PSMD1: variants seen among roughly 807,000 people sequenced by gnomAD.
PSMD1 encodes the protein proteasome 26S subunit, non-ATPase 1, also known as 26S proteasome non-ATPase regulatory subunit 1.
A neutral mutation model predicts 119.0 loss-of-function variants in PSMD1; 18 were observed. The ratio of observed to expected loss-of-function variants is 0.15; its 90% CI spans 0.10 to 0.22. The LOEUF is 0.22. Among genes scored for constraint, PSMD1 ranks in the 10% least tolerant of loss-of-function variants. The pLI, the probability that PSMD1 is intolerant of heterozygous loss-of-function variation, is 1.00. For missense variants in PSMD1, 702 were observed against 1,158.5 expected (o/e 0.61, Z 5.72); for synonymous variants, 374 against 396.6 (o/e 0.94, Z 0.68).
chr2:231,148,480 A>G (rs143132889), intron 18 of PSMD1, among the ~76,000 whole-genome samples: 87 of 152,316 alleles, frequency 5.7e-4, no homozygotes, highest in African/African-American at 1.9e-3. Flanking sequence ...TATTGAACCA[A>G]GTCTTACCTG....
chr2:231,076,051 T>G (rs769667255), intron 8 of PSMD1, among the ~76,000 whole-genome samples: 29 of 152,246 alleles, frequency 1.9e-4, no homozygotes, highest in Non-Finnish European at 3.4e-4. Flanking sequence ...CTGTAAAGAT[T>G]AAAGTTTTAA....
intron 7 of PSMD1, 148 bp from the exon 8 acceptor site, chr2:231,075,363 A>T: frequency 1.7e-6 from 1 of 595,820 alleles, no homozygotes; most frequent in Non-Finnish European, 2.8e-6. Flanking sequence ...TCCATCTTAG[A>T]GATGTGTAGA....
At chr2:231,075,706 A>G (rs1694146035) in intron 8 of PSMD1, 135 bp downstream of exon 8, 1 of 708,878 alleles carries the variant, frequency 1.4e-6, no homozygotes, top group Non-Finnish European at 2.3e-6. Context: ...TAGCCTCCCA[A>G]GTAAATGGCT....
chr2:231,092,215 G>T (rs148162285), intron 16 of PSMD1, among the ~76,000 whole-genome samples: 6 of 152,140 alleles, frequency 3.9e-5, no homozygotes, highest in East Asian at 1.9e-4. Flanking sequence ...TGCCAATCAC[G>T]TGTCAAATTG....
At chr2:231,142,228 G>A (rs1696140659) in intron 17 of PSMD1, among the ~76,000 whole-genome samples, 1 of 151,976 alleles carries the variant, frequency 6.6e-6, no homozygotes, top group South Asian at 2.1e-4. Context: ...AATTTATTTG[G>A]GGGGAGAATT....
rs770827734 is a variant in PSMD1, at chr2:231,165,336, A to G, written c.2568+50A>G. 6 of 1,500,806 alleles carry G rather than the reference A, an allele frequency of 4.0e-6. No homozygotes were observed. In the South Asian group the frequency reaches 6.3e-5, roughly 16 times the overall value. The allele number at this position is 1,500,806 out of a possible 1,614,324, so 93.0% of individuals were successfully genotyped here. On this transcript the variant is annotated intron_variant, in intron 22 of 24. Coordinates refer to ENST00000308696, the MANE Select transcript of PSMD1 (RefSeq NM_002807.4). ...GGATTGAAGTATCTCTGTCTCTGTC[A>G]TGGTCGAGATTCTTCCTTAGTTGAA...
intron 16 of PSMD1, among the ~76,000 whole-genome samples, chr2:231,091,980 T>A (rs1694608281): frequency 6.6e-6 from 1 of 152,182 alleles, no homozygotes; most frequent in African/African-American, 2.4e-5. Context: ...CAAGAATCTT[T>A]TGATCTGTAC....
intron 17 of PSMD1, among the ~76,000 whole-genome samples, chr2:231,145,460 A>G (rs1015310845): frequency 1.3e-5 from 2 of 152,236 alleles, no homozygotes; most frequent in African/African-American, 2.4e-5. Flanking sequence ...TATTGTCACT[A>G]TAATAGACTT....
At position 231,138,868 on chromosome 2, in the gene PSMD1, T is replaced by C; in HGVS notation, c.1998+18T>C. 6.4e-7 allele frequency: 1 copy of C among 1,569,542 alleles called. No individual in the cohort carries two copies. The highest frequency in any genetic ancestry group is 8.8e-7 in the Non-Finnish European group (1 of 1,139,484). On this transcript the variant is annotated intron_variant, in intron 17 of 24. Coordinates refer to ENST00000308696, the MANE Select transcript of PSMD1 (RefSeq NM_002807.4). ...GAAACAAGGTAAAGCCCACAGCCAA[T>C]GGGGTCAGTTCTTTCTTGGCGCCAG...
Position 231,170,438 on chromosome 2 carries a change from T to C in PSMD1, c.2716-128T>C. 3 of 994,576 alleles carry C rather than the reference T, an allele frequency of 3.0e-6. No individual in the cohort carries two copies. The highest frequency in any genetic ancestry group is 4.3e-6 in the Non-Finnish European group (3 of 705,250). The allele number at this position is 994,576 out of a possible 1,614,324, so 61.6% of individuals were successfully genotyped here. ...ACAGTTATCTTTATCCCAGTAAAGT[T>C]CTACTCCAGTTTTTCACTTCCAAAT... On this transcript the variant is annotated intron_variant, in intron 23 of 24. Coordinates refer to ENST00000308696, the MANE Select transcript of PSMD1 (RefSeq NM_002807.4). This position sits in a 1 kb window ranked among gnomAD's most constrained non-coding sequence, Gnocchi z 4.1.
chr2:231,142,462 G>A (rs1008523294), intron 17 of PSMD1, among the ~76,000 whole-genome samples: 5 of 151,962 alleles, frequency 3.3e-5, no homozygotes, highest in Non-Finnish European at 7.4e-5. Context: ...TTTCTTTTCA[G>A]ATTATTCTGA....
intron 16 of PSMD1, among the ~76,000 whole-genome samples, chr2:231,094,266 A>G (rs1008401959): frequency 6.6e-6 from 1 of 151,954 alleles, no homozygotes; most frequent in African/African-American, 2.4e-5. Context: ...TAGTTAAATT[A>G]CTCCAATTTT....
At chr2:231,108,436 TTATA>T in intron 16 of PSMD1, 1 of 991,318 alleles carries the variant, frequency 1.0e-6, no homozygotes, top group Non-Finnish European at 1.5e-6. Flanking sequence ...ATAAAATTCT[TTATA>T]TAATATATTC....
At chr2:231,146,547 T>TAC (rs3835946) in intron 18 of PSMD1, among the ~76,000 whole-genome samples, 191 bp downstream of exon 18, 74,516 of 151,946 alleles carry the variant, frequency 0.49, 21,702 homozygotes, top group African/African-American at 0.81. Flanking sequence ...ATGTATTTTT[T>TAC]AGACTTAATG....
At chr2:231,072,919 T>C (rs2125162990) in intron 7 of PSMD1, among the ~76,000 whole-genome samples, 1 of 152,312 alleles carries the variant, frequency 6.6e-6, no homozygotes, top group South Asian at 2.1e-4. Context: ...TAAAAACATT[T>C]GTGTGTCTTA....
chr2:231,085,721 A>G (rs1344600305), intron 15 of PSMD1, among the ~76,000 whole-genome samples: 3 of 150,378 alleles, frequency 2.0e-5, no homozygotes, highest in Admixed American at 6.7e-5. Flanking sequence ...GCCAATGCAC[A>G]TGTTTTCCAA....
At chr2:231,138,945 C>G in intron 17 of PSMD1, 95 bp downstream of exon 17, 1 of 896,374 alleles carries the variant, frequency 1.1e-6, no homozygotes, top group Non-Finnish European at 1.8e-6. Context: ...AATACAAGTG[C>G]AATGTGATCT....
At position 231,168,480 on chromosome 2, in the gene PSMD1, C is replaced by G. The variant is rs770773070; in HGVS notation, c.2716-2086C>G. The stretch of plus-strand genomic sequence containing the variant: ...ATTATTTGACCATAAAAAGGAAAGA[C>G]TTACTGATATATGCTACAGTGTGTG... On this transcript the variant is annotated intron_variant, in intron 23 of 24. Transcript: ENST00000308696. Among the ~76,000 whole-genome samples the G allele has an allele frequency of 2.6e-5, 4 of 152,218 alleles. No individual in the cohort carries two copies. The East Asian group carries it at 7.7e-4, about 29-fold the overall frequency.
At chr2:231,161,536 A>G in intron 20 of PSMD1, 27 bp downstream of exon 20, 1 of 1,586,962 alleles carries the variant, frequency 6.3e-7, no homozygotes, top group Non-Finnish European at 8.6e-7. Flanking sequence ...TCAGCTTTGT[A>G]GTATTTCCTG....
Sources: gnomAD v4.1 joint callset for allele counts (sites outside exome capture counted in the v4.1 genomes callset) on GRCh38, gnomAD v4.1.1 for gene constraint, Gnocchi (gnomAD v3.1) non-coding constraint, MANE v1.5 for transcripts, NCBI Gene and HGNC (gene_info 2026-07-23, HGNC 2026-07-21) for gene names.